The following PTPRG variants were observed in gnomAD, a reference collection of about 807,000 sequenced individuals.
The protein encoded by PTPRG is receptor-type tyrosine-protein phosphatase gamma.
Under a neutral mutation model 165.3 loss-of-function variants are expected in PTPRG, and 102 were observed. That is an observed-to-expected ratio of 0.62 (90% CI 0.53 to 0.73). The LOEUF is 0.73. Ranked by LOEUF, PTPRG falls within the 30% of genes least tolerant of loss-of-function variation. The pLI is 0.00. For missense variants in PTPRG, 1,866 were observed against 1,861.4 expected, an observed-to-expected ratio of 1.00 and a Z score of -0.05; for synonymous variants, 675 against 669.5, an observed-to-expected ratio of 1.01 and a Z score of -0.13.
intron 4 of PTPRG, among the ~76,000 whole-genome samples, chr3:62,007,265 C>G (rs1223145985): frequency 2.6e-5 from 4 of 152,194 alleles, no homozygotes; most frequent in Non-Finnish European, 5.9e-5. Flanking sequence ...TTGTAGGCAT[C>G]CAGAAATTAA....
At chr3:61,956,294 T>TCA (rs10575818) in intron 2 of PTPRG, among the ~76,000 whole-genome samples, 6 of 140,906 alleles carry the variant, frequency 4.3e-5, no homozygotes, top group South Asian at 2.3e-4. Flanking sequence ...TCTCTCTCTC[T>TCA]CACACACACA....
rs147127241 is a variant in PTPRG at position 62,279,739 on chromosome 3, T to C, written c.3766-1824T>C. Among the ~76,000 whole-genome samples, 9 of 152,244 alleles carry C rather than the reference T, an allele frequency of 5.9e-5. No homozygotes were observed. The East Asian group carries it at 1.5e-3, about 26-fold the overall frequency. On this transcript the variant is annotated intron_variant, in intron 26 of 29. Coordinates refer to ENST00000474889, the MANE Select transcript of PTPRG (RefSeq NM_002841.4). ...AAAATGTACTTGGCAATAAGCTATA[T>C]TGAAACTTGAAAGGGTGATAAGTCT...
intron 2 of PTPRG, among the ~76,000 whole-genome samples, chr3:61,916,623 GTTA>G (rs1171049716): frequency 1.3e-5 from 2 of 152,008 alleles, no homozygotes; most frequent in South Asian, 2.1e-4. Flanking sequence ...ATCTGTTATT[GTTA>G]TTATTATATT....
chr3:61,658,198 G>A (rs1559543910), intron 1 of PTPRG, among the ~76,000 whole-genome samples: 1 of 152,214 alleles, frequency 6.6e-6, no homozygotes, highest in Admixed American at 6.5e-5. Flanking sequence ...GGCTGCGAAA[G>A]TTGCCAGAAT....
At chr3:61,756,398 A>G (rs2033634978) in intron 2 of PTPRG, among the ~76,000 whole-genome samples, 2 of 152,226 alleles carry the variant, frequency 1.3e-5, no homozygotes, top group African/African-American at 4.8e-5. Flanking sequence ...GGTGTAAGAA[A>G]AAACACATAT....
intron 7 of PTPRG, among the ~76,000 whole-genome samples, chr3:62,159,113 C>T (rs1704647083): frequency 6.6e-6 from 1 of 151,598 alleles, no homozygotes; most frequent in Admixed American, 6.6e-5. Context: ...ACCCTTGAGC[C>T]CAGGAATTTG....
chr3:61,655,271 T>C (rs1702480050), intron 1 of PTPRG, among the ~76,000 whole-genome samples: 1 of 152,200 alleles, frequency 6.6e-6, no homozygotes, highest in Non-Finnish European at 1.5e-5. Context: ...TTTGTCCTTA[T>C]TTCATCTCTG....
intron 1 of PTPRG, among the ~76,000 whole-genome samples, chr3:61,620,518 G>T (rs1353967879): frequency 2.6e-5 from 4 of 152,174 alleles, no homozygotes; most frequent in Non-Finnish European, 5.9e-5. Context: ...TTCAAGGAGA[G>T]ACTGAAATGA....
intron 2 of PTPRG, among the ~76,000 whole-genome samples, chr3:61,940,672 T>G (rs957125835): frequency 7.9e-6 from 1 of 126,602 alleles, no homozygotes; most frequent in Non-Finnish European, 1.7e-5. Context: ...TTTATTTATT[T>G]TTTATTTTTT....
chr3:62,057,836 C>G (rs1443767007), intron 4 of PTPRG, among the ~76,000 whole-genome samples: 2 of 152,200 alleles, frequency 1.3e-5, no homozygotes, highest in African/African-American at 4.8e-5. Context: ...AAGTTCTACA[C>G]CACTCTGTGC....
In PTPRG at chr3:62,201,569, G is replaced by A. The variant is rs776786313; in HGVS notation, c.1377+15G>A. ...AAACAGGAGTGGTAAGTAGAGAATGGGAAATTGCTTTGTCGTGGCTGGTTG... is the reference window on the plus strand; with the variant it reads ...AAACAGGAGTGGTAAGTAGAGAATGAGAAATTGCTTTGTCGTGGCTGGTTG... On this transcript the variant is annotated intron_variant, in intron 11 of 29. Transcript: ENST00000474889. 4 of 1,607,902 alleles carry A rather than the reference G, an allele frequency of 2.5e-6. No individual in the cohort carries two copies. The highest frequency in any genetic ancestry group is 3.4e-6 in the Non-Finnish European group (4 of 1,176,472).
chr3:62,027,175 T>G (rs1204064655), intron 4 of PTPRG, among the ~76,000 whole-genome samples: 2 of 152,140 alleles, frequency 1.3e-5, no homozygotes, highest in Non-Finnish European at 1.5e-5. Flanking sequence ...CTTGTTACAT[T>G]AATCTAAAAT....
chr3:61,839,810 C>T (rs2036571520), intron 2 of PTPRG, among the ~76,000 whole-genome samples: 1 of 152,170 alleles, frequency 6.6e-6, no homozygotes, highest in Non-Finnish European at 1.5e-5. Flanking sequence ...CTGCTTCCCT[C>T]ACCTCTCAAC....
chr3:62,134,140 A>G (rs1235936874), intron 6 of PTPRG, among the ~76,000 whole-genome samples: 2 of 152,140 alleles, frequency 1.3e-5, no homozygotes, highest in East Asian at 3.9e-4. Flanking sequence ...CTTAGGGGAC[A>G]CAAACCTTCA....
intron 1 of PTPRG, among the ~76,000 whole-genome samples, chr3:61,691,392 G>C (rs1451535309): frequency 1.3e-5 from 2 of 152,162 alleles, no homozygotes; most frequent in African/African-American, 2.4e-5. Context: ...GGGAGACAGA[G>C]GGAGACCCTG....
chr3:61,747,344 A>C (rs2033250007), intron 1 of PTPRG, among the ~76,000 whole-genome samples: 1 of 152,210 alleles, frequency 6.6e-6, no homozygotes, highest in Non-Finnish European at 1.5e-5. Context: ...GGAAAGAGGA[A>C]GGATTAATGG....
intron 1 of PTPRG, among the ~76,000 whole-genome samples, chr3:61,674,211 A>G (rs1005857058): frequency 6.6e-6 from 1 of 151,866 alleles, no homozygotes; most frequent in African/African-American, 2.4e-5. Flanking sequence ...ATGGCTTTGC[A>G]TGAGAAAAGC....
intron 2 of PTPRG, among the ~76,000 whole-genome samples, chr3:61,765,923 G>C (rs1239136365): frequency 6.6e-6 from 1 of 152,180 alleles, no homozygotes; most frequent in Admixed American, 6.5e-5. Context: ...AGATATTTGA[G>C]TATAAAGATA....
chr3:61,598,316 G>T (rs1700755669), intron 1 of PTPRG, among the ~76,000 whole-genome samples: 1 of 152,098 alleles, frequency 6.6e-6, no homozygotes, highest in Non-Finnish European at 1.5e-5. Flanking sequence ...GAAAAGGAGT[G>T]GGCCAAGAAA....
Sources: gnomAD v4.1 joint callset for allele counts (sites outside exome capture counted in the v4.1 genomes callset) on GRCh38, gnomAD v4.1.1 for gene constraint, MANE v1.5 for transcripts, NCBI Gene and HGNC (gene_info 2026-07-23, HGNC 2026-07-21) for gene names.